The following TMEM132B variants were observed in gnomAD, a reference collection of about 807,000 sequenced individuals.
The protein encoded by TMEM132B is transmembrane protein 132B.
In TMEM132B, 18 loss-of-function variants were observed where a neutral mutation model predicts 90.8. The observed-to-expected ratio is 0.20, with a 90% CI of 0.14 to 0.29. The LOEUF (loss-of-function observed/expected upper bound fraction) is 0.29, where lower values mean the gene tolerates loss of function less well. Among genes scored for constraint, TMEM132B ranks in the 10% least tolerant of loss-of-function variants. The pLI is 1.00. For missense variants in TMEM132B, 1,096 were observed against 1,326.8 expected, an observed-to-expected ratio of 0.83 and a Z score of 2.70; for synonymous variants, 504 against 523.3, an observed-to-expected ratio of 0.96 and a Z score of 0.50.
intron 2 of TMEM132B, among the ~76,000 whole-genome samples, chr12:125,376,020 A>G (rs1276283414): frequency 6.6e-6 from 1 of 152,134 alleles, no homozygotes; most frequent in Non-Finnish European, 1.5e-5. Context: ...TTACCTGTTG[A>G]GAGGTGGTTC....
intron 1 of TMEM132B, among the ~76,000 whole-genome samples, chr12:125,207,335 G>A (rs906019408): frequency 1.3e-5 from 2 of 152,172 alleles, no homozygotes; most frequent in Admixed American, 1.3e-4. Flanking sequence ...TATGTGCCAG[G>A]CATGCTTGTT....
chr12:125,405,942 A>G (rs1231616362), intron 2 of TMEM132B, among the ~76,000 whole-genome samples: 2 of 152,190 alleles, frequency 1.3e-5, no homozygotes, highest in Non-Finnish European at 2.9e-5. Context: ...CAGAGTTTGG[A>G]CAGGACAGTT....
At chr12:125,641,389 G>C (rs1258442190) in intron 5 of TMEM132B, among the ~76,000 whole-genome samples, 1 of 152,186 alleles carries the variant, frequency 6.6e-6, no homozygotes, top group Admixed American at 6.5e-5. Context: ...ACCATGAAGT[G>C]AGAAACTCTG....
intron 3 of TMEM132B, among the ~76,000 whole-genome samples, chr12:125,511,744 T>C (rs1212093829): frequency 6.7e-6 from 1 of 149,158 alleles, no homozygotes; most frequent in African/African-American, 2.5e-5. Context: ...CCCAGCTACT[T>C]GGGAGGCTGA....
At chr12:125,616,035 C>G (rs1885977253) in intron 5 of TMEM132B, among the ~76,000 whole-genome samples, 1 of 151,890 alleles carries the variant, frequency 6.6e-6, no homozygotes, top group African/African-American at 2.4e-5. Context: ...TGTGCTGCAT[C>G]CATTAACTCG....
intron 3 of TMEM132B, among the ~76,000 whole-genome samples, chr12:125,483,196 T>C (rs1397309701): frequency 3.3e-5 from 5 of 152,080 alleles, no homozygotes; most frequent in East Asian, 3.9e-4. Context: ...TATACACATG[T>C]AACAAACCTG....
chr12:125,459,027 C>T lies in TMEM132B; in HGVS notation c.1106+43350C>T, dbSNP rs1028309770. ...TCCCCCCATGTGCAATTAGCATCTTCGGGTGACATCACCATTTGTCCACAG... is the reference window on the plus strand; with the variant it reads ...TCCCCCCATGTGCAATTAGCATCTTTGGGTGACATCACCATTTGTCCACAG... On this transcript the variant is annotated intron_variant, in intron 3 of 8. Transcript: ENST00000682704. This position sits in a 1 kb window ranked among gnomAD's most constrained non-coding sequence, Gnocchi z 4.1. Among the ~76,000 whole-genome samples, 8 of 152,182 alleles carry T rather than the reference C, an allele frequency of 5.3e-5. No homozygotes were observed. Among genetic ancestry groups the T allele is most frequent in the East Asian group, 1.9e-4 (1 of 5,188 alleles).
At chr12:125,291,613 G>T (rs1875542783) in intron 1 of TMEM132B, among the ~76,000 whole-genome samples, 2 of 152,202 alleles carry the variant, frequency 1.3e-5, no homozygotes, top group Admixed American at 1.3e-4. Context: ...CCAGCAACCT[G>T]AGTGATCTTG....
chr12:125,488,606 T>C (rs576552980), intron 3 of TMEM132B, among the ~76,000 whole-genome samples: 68 of 152,326 alleles, frequency 4.5e-4, no homozygotes, highest in Admixed American at 2.7e-3. Context: ...GACTTGCTCC[T>C]CTTTGCCTCC....
At chr12:125,262,245 CAAAA>C (rs11307058) in intron 1 of TMEM132B, among the ~76,000 whole-genome samples, 3 of 84,304 alleles carry the variant, frequency 3.6e-5, no homozygotes, top group Admixed American at 1.4e-4. Context: ...CCTGTTTCTA[CAAAA>C]AAAAAAAAAA....
intron 2 of TMEM132B, among the ~76,000 whole-genome samples, chr12:125,394,806 A>G (rs924909564): frequency 1.1e-4 from 16 of 152,188 alleles, no homozygotes; most frequent in African/African-American, 3.4e-4. Flanking sequence ...ATCAAATACC[A>G]TATGTTCTCA....
At chr12:125,641,516 A>G (rs926243404) in intron 5 of TMEM132B, among the ~76,000 whole-genome samples, 1 of 152,202 alleles carries the variant, frequency 6.6e-6, no homozygotes, top group South Asian at 2.1e-4. Flanking sequence ...GGAGGCATAC[A>G]CTTTTTTAAG....
chr12:125,532,747 T>G (rs966426971), intron 4 of TMEM132B, among the ~76,000 whole-genome samples: 1 of 152,110 alleles, frequency 6.6e-6, no homozygotes, highest in African/African-American at 2.4e-5. Context: ...ACTCCTGACC[T>G]CAGGTGATCT....
chr12:125,514,813 G>A (rs73414336), intron 3 of TMEM132B, among the ~76,000 whole-genome samples: 3 of 152,014 alleles, frequency 2.0e-5, no homozygotes, highest in South Asian at 4.1e-4. Flanking sequence ...AGGAACAGCC[G>A]CATGTGGTCC....
intron 3 of TMEM132B, among the ~76,000 whole-genome samples, chr12:125,476,287 T>C (rs536830665): frequency 6.6e-6 from 1 of 152,342 alleles, no homozygotes; most frequent in East Asian, 1.9e-4. Flanking sequence ...TTTAAGCAGG[T>C]AGGGATTGGC....
chr12:125,380,334 T>G (rs1878641107), intron 2 of TMEM132B, among the ~76,000 whole-genome samples: 1 of 152,206 alleles, frequency 6.6e-6, no homozygotes, highest in African/African-American at 2.4e-5. Context: ...ACACTGGCCA[T>G]TCGATTTGGG....
At chr12:125,404,288 C>T (rs1879402090) in intron 2 of TMEM132B, among the ~76,000 whole-genome samples, 1 of 152,164 alleles carries the variant, frequency 6.6e-6, no homozygotes, top group Admixed American at 6.5e-5. Flanking sequence ...TTCTCTAGAG[C>T]ACCCCTTATG....
At chr12:125,192,478 C>G (rs1025545668) in intron 1 of TMEM132B, among the ~76,000 whole-genome samples, 1 of 152,158 alleles carries the variant, frequency 6.6e-6, no homozygotes, top group Non-Finnish European at 1.5e-5. Flanking sequence ...TTCCCCTCCC[C>G]CAACCCCCAT....
chr12:125,283,590 G>T (rs1411348816), intron 1 of TMEM132B, among the ~76,000 whole-genome samples: 2 of 152,202 alleles, frequency 1.3e-5, no homozygotes, highest in Non-Finnish European at 2.9e-5. Flanking sequence ...GTAATGAAGC[G>T]TTGATAGGGC....
Sources: allele counts gnomAD v4.1 joint callset (sites outside exome capture counted in the v4.1 genomes callset), GRCh38; gene constraint gnomAD v4.1.1; non-coding constraint Gnocchi (gnomAD v3.1); transcripts MANE v1.5; gene names NCBI Gene and HGNC (gene_info 2026-07-23, HGNC 2026-07-21).